C4orf50: variants seen among roughly 807,000 people sequenced by gnomAD.
C4orf50 encodes the protein uncharacterized protein C4orf50.
Under a neutral mutation model 77.2 loss-of-function variants are expected in C4orf50, and 80 were observed. That is an observed-to-expected ratio of 1.04 (90% CI 0.87 to 1.25). C4orf50 has a LOEUF of 1.25. Ranked by LOEUF, C4orf50 falls within the 50% of genes most tolerant of loss-of-function variation. The pLI, the probability that C4orf50 is intolerant of heterozygous loss-of-function variation, is 0.00. For missense variants in C4orf50, 1,257 were observed against 1,152.9 expected (o/e 1.09, Z -1.31); for synonymous variants, 532 against 465.3 (o/e 1.14, Z -1.84).
At position 6,000,347 on chromosome 4, in the gene C4orf50, C is replaced by T. The variant is rs1721781325; in HGVS notation, c.964-5871G>A. Among the ~76,000 whole-genome samples, 1 of 152,168 alleles carries T rather than the reference C, an allele frequency of 6.6e-6. No individual in the cohort carries two copies. The highest frequency in any genetic ancestry group is 2.4e-5 in the African/African-American group (1 of 41,444). ...AGTTCCTTATCGATGGGTTCTAACACTTTAATTTATAAATTCCAGGCTGCA... is the reference window on the plus strand; with the variant it reads ...AGTTCCTTATCGATGGGTTCTAACATTTTAATTTATAAATTCCAGGCTGCA... On this transcript the variant is annotated intron_variant, in intron 25 of 33. Transcript: ENST00000531445. This position sits in a 1 kb window ranked among gnomAD's most constrained non-coding sequence, Gnocchi z 6.0.
chr4:5,899,360 A>G (rs1716251436), intron 7 of C4orf50: 2 of 152,226 alleles, frequency 1.3e-5, no homozygotes, highest in Admixed American at 1.3e-4. Flanking sequence ...TTAGTGTGTC[A>G]TTTACCACCC....
At chr4:5,973,575 G>T in intron 31 of C4orf50, 84 bp downstream of exon 9, 1 of 1,156,436 alleles carries the variant, frequency 8.6e-7, no homozygotes, top group African/African-American at 1.5e-5. Context: ...GAAAGGAGGG[G>T]CTGCTCCAGT....
intron 7 of C4orf50, among the ~76,000 whole-genome samples, chr4:5,938,785 T>TC (rs112613302): frequency 0.78 from 117,618 of 151,580 alleles, 47,419 homozygotes; most frequent in African/African-American, 0.94. Flanking sequence ...ATGTCAGTTT[T>TC]TTTTCTTTTC....
At chr4:5,988,423 A>C (rs763806238) in exon 28 of C4orf50, 1 of 1,609,770 alleles carries the variant, frequency 6.2e-7, no homozygotes, top group South Asian at 1.1e-5. Flanking sequence ...CTCTTTCTCC[A>C]AATGTGCTTC....
intron 7 of C4orf50, among the ~76,000 whole-genome samples, chr4:5,907,690 T>G (rs1577872710): frequency 6.6e-6 from 1 of 152,012 alleles, no homozygotes; most frequent in African/African-American, 2.4e-5. Flanking sequence ...TGCTCTAGAT[T>G]GAGTTGTTAG....
chr4:5,989,496 C>A (rs1263641063), exon 28 of C4orf50: 2 of 1,536,034 alleles, frequency 1.3e-6, no homozygotes, highest in Non-Finnish European at 1.7e-6. Flanking sequence ...AGTGAGCTCT[C>A]TCCCAGCCAC....
rs1464252581 is a variant in C4orf50, at chr4:5,970,438, G to C, written c.4105-2976C>G. Among the ~76,000 whole-genome samples the C allele has an allele frequency of 1.3e-5, 2 of 152,180 alleles. No homozygotes were observed. The highest frequency in any genetic ancestry group is 4.8e-5 in the African/African-American group (2 of 41,446). ...CCCCATCCCCAAAACAGGCACCTGAGCTGGACAGAATCAGCAGAGTAGGAG... is the reference window on the plus strand; with the variant it reads ...CCCCATCCCCAAAACAGGCACCTGACCTGGACAGAATCAGCAGAGTAGGAG... On this transcript the variant is annotated intron_variant, in intron 31 of 33. Transcript: ENST00000531445. This position sits in a 1 kb window ranked among gnomAD's most constrained non-coding sequence, Gnocchi z 4.3.
chr4:6,001,008 C>T (rs1219335082), intron 25 of C4orf50, among the ~76,000 whole-genome samples: 3 of 152,174 alleles, frequency 2.0e-5, no homozygotes, highest in Non-Finnish European at 4.4e-5. Context: ...GCAAGTGATA[C>T]CAGAAACACA....
intron 7 of C4orf50, among the ~76,000 whole-genome samples, chr4:5,914,495 C>T (rs563857022): frequency 3.2e-4 from 48 of 152,222 alleles, no homozygotes; most frequent in African/African-American, 1.0e-3. Context: ...TGAGCCACCG[C>T]GCCTGGCCTT....
chr4:5,950,806 T>C (rs1169046486), intron 7 of C4orf50, among the ~76,000 whole-genome samples: 1 of 152,190 alleles, frequency 6.6e-6, no homozygotes, highest in Non-Finnish European at 1.5e-5. Flanking sequence ...TGTTCATAGC[T>C]GAATCCCATA....
At position 5,916,378 on chromosome 4, in the gene C4orf50, G is replaced by C. The variant is rs563556597; in HGVS notation, c.*2475-18190C>G. On this transcript the variant is annotated intron_variant, in intron 7 of 7. Transcript: ENST00000324058. This position sits in a 1 kb window ranked among gnomAD's most constrained non-coding sequence, Gnocchi z 4.4. ...TAACCACGCCGAACAGACAGCCTTG[G>C]GTCCCTGCCCACCACAGAGAAGGCT... Among the ~76,000 whole-genome samples the C allele has an allele frequency of 9.9e-4, 142 of 144,060 alleles. 1 individual carries two copies. Among genetic ancestry groups the C allele is most frequent in the South Asian group, 5.2e-3 (25 of 4,768 alleles). 94.5% of individuals were successfully genotyped at this position (144,060 alleles called of 152,430 possible).
At position 5,951,709 on chromosome 4, in the gene C4orf50, A is replaced by C. The variant is rs1051086154; in HGVS notation, c.*2474+5192T>G. Among the ~76,000 whole-genome samples, 11 of 152,292 alleles carry C rather than the reference A, an allele frequency of 7.2e-5. No individual in the cohort carries two copies. In the South Asian group the frequency reaches 2.3e-3, roughly 32 times the overall value. The stretch of plus-strand genomic sequence containing the variant: ...AAATTTCAAAGCTGAAGAGAGTCTG[A>C]AGTCTCCCTGCTCTACCGCCCTCCA... On this transcript the variant is annotated intron_variant, in intron 7 of 7. Transcript: ENST00000324058.
chr4:5,975,139 C>CAAAAAAA lies in C4orf50; in HGVS notation c.3921+753_3921+759dup, dbSNP rs763836859. Among the ~76,000 whole-genome samples the CAAAAAAA allele has an allele frequency of 8.1e-4, 67 of 82,812 alleles. 4 individuals carry two copies. Among genetic ancestry groups the CAAAAAAA allele is most frequent in the African/African-American group, 1.1e-3 (28 of 24,492 alleles). 54.3% of individuals were successfully genotyped at this position (82,812 alleles called of 152,430 possible). A position where few individuals can be genotyped will look rare whatever the true frequency, so the allele number is the denominator to read the frequency against. On this transcript the variant is annotated intron_variant, in intron 30 of 33. Transcript: ENST00000531445. ...TGGGCGACAGAGTGACACTCCATCT[C>CAAAAAAA]AAAAAAAAAAAAAAAAAAAAAAAAA...
intron 25 of C4orf50, 90 bp from the exon 4 acceptor site, chr4:5,994,566 G>A (rs1286893172): frequency 1.0e-5 from 4 of 398,222 alleles, no homozygotes; most frequent in African/African-American, 8.2e-5. Context: ...TCCCCAGAAG[G>A]GAGCTTGAGT....
chr4:6,012,032 C>T, intron 23 of C4orf50, 64 bp from the exon 2 acceptor site: 2 of 398,844 alleles, frequency 5.0e-6, no homozygotes, highest in Non-Finnish European at 4.4e-6. Context: ...AGGGCTTTTG[C>T]AGACACCAGG....
At position 5,990,508 on chromosome 4, in the gene C4orf50, T is replaced by TTA; in HGVS notation, c.1537_1538insTA (p.Asp513ValfsTer26). On this transcript the variant is annotated frameshift_variant, in exon 28 of 34. Transcript: ENST00000531445. LOFTEE classifies it high-confidence loss of function. Reference sequence around the variant, plus strand: ...ACCGCGGCCTCTTGTCTGGTGACAATCCCAGCCTGGGTGTCCTGTGGCTTT... The same window carrying TTA: ...ACCGCGGCCTCTTGTCTGGTGACAATTACCCAGCCTGGGTGTCCTGTGGCTTT... 7.5e-6 allele frequency: 3 copies of TTA among 399,214 alleles called. No homozygotes were observed. The highest frequency in any genetic ancestry group is 1.3e-5 in the Non-Finnish European group (3 of 226,222). 24.7% of individuals were successfully genotyped at this position (399,214 alleles called of 1,614,324 possible).
chr4:5,901,454 C>A lies in C4orf50; in HGVS notation c.*2475-3266G>T. ...CCAATAACTTGCAGAACCCAGATTGCAGCCTAGCTATTCTGGTCTTAAACC... is the reference window on the plus strand; with the variant it reads ...CCAATAACTTGCAGAACCCAGATTGAAGCCTAGCTATTCTGGTCTTAAACC... On this transcript the variant is annotated intron_variant, in intron 7 of 7. Transcript: ENST00000324058. The surrounding 1 kb of genome is among the most constrained non-coding windows in gnomAD (Gnocchi z 4.4). The A allele has an allele frequency of 6.6e-6, 1 of 152,312 alleles. No homozygotes were observed. Among genetic ancestry groups the A allele is most frequent in the Non-Finnish European group, 1.5e-5 (1 of 68,028 alleles). The allele number at this position is 152,312 out of a possible 1,614,324, so 9.4% of individuals were successfully genotyped here. A position where few individuals can be genotyped will look rare whatever the true frequency, so the allele number is the denominator to read the frequency against.
In C4orf50 at chr4:5,990,001, C is replaced by T; in HGVS notation, c.2045G>A (p.Trp682Ter). 1 of 1,401,790 alleles carries T rather than the reference C, an allele frequency of 7.1e-7. No individual in the cohort carries two copies. Among genetic ancestry groups the T allele is most frequent in the Non-Finnish European group, 9.2e-7 (1 of 1,082,936 alleles). The allele number at this position is 1,401,790 out of a possible 1,614,324, so 86.8% of individuals were successfully genotyped here. A position where few individuals can be genotyped will look rare whatever the true frequency, so the allele number is the denominator to read the frequency against. The change falls in exon 28 of 34, where the codon TGG (tryptophan) becomes TAG (stop). Residue 682 changes from tryptophan to a stop codon, truncating the protein, a stop_gained. Transcript: ENST00000531445. LOFTEE classifies it high-confidence loss of function. ...TGCGAGGAGCTGACTGTCTGTTGGC[C>T]ATGGCTCTTTGGTCTCATGAGCCCT...
intron 31 of C4orf50, among the ~76,000 whole-genome samples, chr4:5,969,430 T>C (rs1210024242): frequency 7.0e-6 from 1 of 143,728 alleles, no homozygotes; most frequent in African/African-American, 2.7e-5. Context: ...CATTGACAAA[T>C]ACCCAGAGGA....
Sources: gnomAD v4.1 joint callset for allele counts (sites outside exome capture counted in the v4.1 genomes callset) on GRCh38, gnomAD v4.1.1 for gene constraint, Gnocchi (gnomAD v3.1) non-coding constraint, MANE v1.5 for transcripts, NCBI Gene and HGNC (gene_info 2026-07-23, HGNC 2026-07-21) for gene names.